The following HPGDS variants were observed in gnomAD, a reference collection of about 807,000 sequenced individuals.
HPGDS encodes the protein hematopoietic prostaglandin D synthase, also known as GST class-sigma.
In HPGDS, 26 loss-of-function variants were observed where a neutral mutation model predicts 23.1. The observed-to-expected ratio is 1.13, with a 90% confidence interval of 0.83 to 1.56. The LOEUF (loss-of-function observed/expected upper bound fraction) is 1.56, where lower values mean the gene tolerates loss of function less well. Among genes scored for constraint, HPGDS ranks in the 40% most tolerant of loss-of-function variants. The pLI is 0.00. For synonymous variants in HPGDS, 95 were observed against 77.9 expected (o/e 1.22, Z -1.16); for missense variants, 268 against 236.4 (o/e 1.13, Z -0.88).
intron 1 of HPGDS, among the ~76,000 whole-genome samples, chr4:94,339,555 A>C (rs570726872): frequency 2.0e-5 from 3 of 152,368 alleles, no homozygotes; most frequent in African/African-American, 7.2e-5. Flanking sequence ...ATATAAACTC[A>C]TATGAACATA....
intron 2 of HPGDS, among the ~76,000 whole-genome samples, chr4:94,330,682 CCTTT>C (rs1319218151): frequency 1.3e-5 from 2 of 151,996 alleles, no homozygotes; most frequent in Non-Finnish European, 2.9e-5. Context: ...CCTCAAGTTT[CCTTT>C]CTTTCTTCTT....
chr4:94,315,872 A>C (rs1368536258), intron 3 of HPGDS, among the ~76,000 whole-genome samples: 2 of 152,164 alleles, frequency 1.3e-5, no homozygotes, highest in African/African-American at 4.8e-5. Flanking sequence ...TCAGCTAAAA[A>C]TTTATGGAGG....
At chr4:94,324,176 TC>T (rs1756579941) in intron 2 of HPGDS, among the ~76,000 whole-genome samples, 1 of 152,330 alleles carries the variant, frequency 6.6e-6, no homozygotes, top group Admixed American at 6.5e-5. Flanking sequence ...GACCTTTCTC[TC>T]TGGTTGCCCT....
At chr4:94,319,990 C>G (rs2126040864) in intron 2 of HPGDS, among the ~76,000 whole-genome samples, 1 of 152,190 alleles carries the variant, frequency 6.6e-6, no homozygotes, top group East Asian at 1.9e-4. Flanking sequence ...CAGTTCCCAC[C>G]TATGAGTGAG....
intron 4 of HPGDS, 146 bp downstream of exon 4, chr4:94,308,488 A>G (rs1416869553): frequency 2.0e-6 from 1 of 492,672 alleles, no homozygotes; most frequent in African/African-American, 2.0e-5. Flanking sequence ...GAATTGCTGT[A>G]CTTTATTTTA....
intron 2 of HPGDS, among the ~76,000 whole-genome samples, chr4:94,327,434 G>C (rs1031102138): frequency 2.6e-5 from 4 of 152,098 alleles, no homozygotes; most frequent in African/African-American, 9.7e-5. Flanking sequence ...TAATGTGCTT[G>C]GGTGCCAGTG....
At chr4:94,326,974 A>G (rs1276646850) in intron 2 of HPGDS, among the ~76,000 whole-genome samples, 1 of 152,028 alleles carries the variant, frequency 6.6e-6, no homozygotes, top group African/African-American at 2.4e-5. Context: ...AGCTATAGTC[A>G]GCATCAGTGG....
Position 94,334,470 on chromosome 4 carries a change from CCTACATTTATTATTTTTG to C in HPGDS, c.133+9_133+26del. 1 of 1,536,752 alleles carries C rather than the reference CCTACATTTATTATTTTTG, an allele frequency of 6.5e-7. No homozygotes were observed. Among genetic ancestry groups the C allele is most frequent in the Non-Finnish European group, 8.8e-7 (1 of 1,142,750 alleles). On this transcript the variant is annotated intron_variant, in intron 2 of 5. Transcript: ENST00000295256. ...CAAAAGGTTCTGAAAGCATATTTTTCCTACATTTATTATTTTTGCTACTTACTTGATTTGATTTCAGGC... is the reference window on the plus strand; with the variant it reads ...CAAAAGGTTCTGAAAGCATATTTTTCCTACTTACTTGATTTGATTTCAGGC...
chr4:94,330,328 G>C (rs1181660382), intron 2 of HPGDS, among the ~76,000 whole-genome samples: 1 of 152,292 alleles, frequency 6.6e-6, no homozygotes. Flanking sequence ...TTGTTAACTA[G>C]TTAGAGGTAC....
intron 3 of HPGDS, 89 bp downstream of exon 3, chr4:94,317,784 T>G: frequency 2.7e-6 from 2 of 739,886 alleles, no homozygotes; most frequent in Non-Finnish European, 4.7e-6. Context: ...TACTATAGTA[T>G]GCTATGCTAA....
At chr4:94,338,613 T>C (rs1222936005) in intron 1 of HPGDS, among the ~76,000 whole-genome samples, 1 of 152,182 alleles carries the variant, frequency 6.6e-6, no homozygotes, top group African/African-American at 2.4e-5. Flanking sequence ...AAAGAGTCTC[T>C]ACTAAAAACT....
At chr4:94,316,611 C>T (rs1453664489) in intron 3 of HPGDS, among the ~76,000 whole-genome samples, 1 of 152,204 alleles carries the variant, frequency 6.6e-6, no homozygotes, top group East Asian at 1.9e-4. Flanking sequence ...CCAATCTATC[C>T]TTCTAAGCAT....
intron 1 of HPGDS, among the ~76,000 whole-genome samples, chr4:94,341,674 A>G (rs913880770): frequency 6.6e-6 from 1 of 152,224 alleles, no homozygotes; most frequent in Non-Finnish European, 1.5e-5. Context: ...GTAATTGCGC[A>G]ATAATCTGAG....
At chr4:94,304,133 G>GT (rs1270457435) in intron 4 of HPGDS, among the ~76,000 whole-genome samples, 2 of 151,788 alleles carry the variant, frequency 1.3e-5, no homozygotes, top group African/African-American at 4.8e-5. Context: ...TTCAGAGGAG[G>GT]TTTTTTCACC....
chr4:94,311,046 T>C (rs554308820), intron 3 of HPGDS, among the ~76,000 whole-genome samples: 1 of 152,300 alleles, frequency 6.6e-6, no homozygotes, highest in African/African-American at 2.4e-5. Flanking sequence ...GCTGAGATGA[T>C]GGGGTTTTCT....
intron 2 of HPGDS, among the ~76,000 whole-genome samples, chr4:94,318,371 T>C (rs1010203986): frequency 5.3e-5 from 8 of 152,208 alleles, no homozygotes; most frequent in Non-Finnish European, 1.0e-4. Flanking sequence ...AACTTAGCCA[T>C]AGCCTTTTTA....
chr4:94,302,083 T>G, intron 5 of HPGDS, 63 bp downstream of exon 5: 1 of 1,257,118 alleles, frequency 8.0e-7, no homozygotes, highest in South Asian at 1.3e-5. Flanking sequence ...CAGTAAGTTT[T>G]TATACTTCTA....
In HPGDS at chr4:94,299,430, A is replaced by T. The variant is rs192080044; in HGVS notation, c.*50T>A. On this transcript the variant is annotated 3_prime_UTR_variant, in exon 6 of 6. Transcript: ENST00000295256. ...CAGGCTGATGTAGCTGTCTTATCTG[A>T]TGAGAGAGATGCCCCCGAGAAAAAC... 8.2e-5 allele frequency: 126 copies of T among 1,538,902 alleles called. No individual in the cohort carries two copies. The East Asian group carries it at 2.6e-3, about 32-fold the overall frequency.
chr4:94,340,952 C>T (rs1026204309), intron 1 of HPGDS, among the ~76,000 whole-genome samples: 9 of 147,952 alleles, frequency 6.1e-5, no homozygotes, highest in Non-Finnish European at 1.3e-4. Flanking sequence ...TCAAGCGATT[C>T]TCCCTGCCTC....
Sources: allele counts gnomAD v4.1 joint callset (sites outside exome capture counted in the v4.1 genomes callset), GRCh38; gene constraint gnomAD v4.1.1; transcripts MANE v1.5; gene names NCBI Gene and HGNC (gene_info 2026-07-23, HGNC 2026-07-21).